The following DUSP16 variants were observed in gnomAD, a reference collection of about 807,000 sequenced individuals.
DUSP16 encodes the protein dual specificity protein phosphatase 16.
In DUSP16, 21 loss-of-function variants were observed where a neutral mutation model predicts 58.3. That is an observed-to-expected ratio of 0.36 (90% confidence interval 0.26 to 0.52). The LOEUF (loss-of-function observed/expected upper bound fraction) is 0.52, where lower values mean the gene tolerates loss of function less well. Ranked by LOEUF, DUSP16 falls within the 20% of genes least tolerant of loss-of-function variation. The pLI is 0.94. For synonymous variants in DUSP16, 320 were observed against 323.8 expected (o/e 0.99, Z 0.12); for missense variants, 726 against 819.0 (o/e 0.89, Z 1.39).
Position 12,477,886 on chromosome 12 carries a change from G to T in DUSP16, c.945C>A (p.His315Gln). 1 of 1,614,150 alleles carries T rather than the reference G, an allele frequency of 6.2e-7. No homozygotes were observed. The highest frequency in any genetic ancestry group is 8.5e-7 in the Non-Finnish European group (1 of 1,180,032). ...GGACAGGTTCATTTGGCTTCTCCAGGTGCAGCAGCTTGAGTTTGCTCTTTG... is the reference window on the plus strand; with the variant it reads ...GGACAGGTTCATTTGGCTTCTCCAGTTGCAGCAGCTTGAGTTTGCTCTTTG... ...SGPKSKLKLL[H>Q]LEKPNEPVPA... is the part of the protein sequence containing the mutation. The change falls in exon 7 of 7, where the codon CAC (histidine) becomes CAA (glutamine). Residue 315 changes from histidine to glutamine, a missense_variant. Physicochemically the swap from His to Gln is conservative, Grantham distance 24 (BLOSUM62 0). Coordinates refer to ENST00000298573, the MANE Select transcript of DUSP16 (RefSeq NM_030640.3). This position sits in a 1 kb window ranked among gnomAD's most constrained non-coding sequence, Gnocchi z 4.1.
At chr12:12,557,612 T>C (rs1236806497) in intron 1 of DUSP16, among the ~76,000 whole-genome samples, 1 of 152,194 alleles carries the variant, frequency 6.6e-6, no homozygotes, top group Non-Finnish European at 1.5e-5. Context: ...TATTAAAAAG[T>C]TATAACATGA....
intron 6 of DUSP16, among the ~76,000 whole-genome samples, chr12:12,479,823 C>G (rs553437210): frequency 1.3e-5 from 2 of 152,258 alleles, no homozygotes; most frequent in African/African-American, 4.8e-5. Context: ...CTTTTTCTTC[C>G]CAGCAATCCA....
intron 6 of DUSP16, among the ~76,000 whole-genome samples, chr12:12,479,690 C>T (rs530937431): frequency 1.0e-3 from 153 of 152,266 alleles, no homozygotes; most frequent in African/African-American, 3.6e-3. Context: ...TCAGACAAAT[C>T]AGAGACTGGA....
intron 3 of DUSP16, 25 bp from the exon 4 acceptor site, chr12:12,500,707 T>TA (rs1421602436): frequency 2.6e-6 from 4 of 1,510,246 alleles, no homozygotes; most frequent in South Asian, 2.7e-5. Flanking sequence ...TATAAAATTA[T>TA]AAAAAATTAT....
At chr12:12,523,172 T>C (rs1944259369) in intron 1 of DUSP16, among the ~76,000 whole-genome samples, 1 of 152,228 alleles carries the variant, frequency 6.6e-6, no homozygotes, top group Admixed American at 6.5e-5. Flanking sequence ...ACAAATCACA[T>C]AACCTCTCTA....
intron 1 of DUSP16, among the ~76,000 whole-genome samples, chr12:12,537,182 C>G (rs1163186014): frequency 6.6e-6 from 1 of 151,852 alleles, no homozygotes; most frequent in Non-Finnish European, 1.5e-5. Flanking sequence ...TAACAGAAAA[C>G]TATATATATT....
rs2136232550 is a variant in DUSP16 at position 12,521,030 on chromosome 12, C to T, written c.69G>A (p.Thr23=). 10 of 1,614,164 alleles carry T rather than the reference C, an allele frequency of 6.2e-6. No homozygotes were observed. Among genetic ancestry groups the T allele is most frequent in the South Asian group, 1.1e-5 (1 of 91,088 alleles). Residue 23 remains threonine (T), a synonymous_variant, in exon 2 of 7, where the codon ACG becomes ACA. Coordinates refer to ENST00000298573, the MANE Select transcript of DUSP16 (RefSeq NM_030640.3). The part of the protein sequence containing the change: ...ERLVALLESG[T]EKVLLIDSRP... ...GGCTATCAATTAGCAGCACTTTTTCCGTTCCACTTTCCAGCAGAGCCACCA... is the reference window on the plus strand; with the variant it reads ...GGCTATCAATTAGCAGCACTTTTTCTGTTCCACTTTCCAGCAGAGCCACCA...
chr12:12,523,062 C>G, intron 1 of DUSP16, among the ~76,000 whole-genome samples: 1 of 152,266 alleles, frequency 6.6e-6, no homozygotes, highest in East Asian at 1.9e-4. Context: ...GATCATGTTT[C>G]CTAATTTTGT....
At chr12:12,549,650 CAT>C (rs1415993274) in intron 1 of DUSP16, among the ~76,000 whole-genome samples, 6 of 152,150 alleles carry the variant, frequency 3.9e-5, no homozygotes, top group East Asian at 1.9e-4. Context: ...TCTCCTCTCA[CAT>C]ATGTTACCAT....
chr12:12,555,488 C>T lies in DUSP16; in HGVS notation c.-366+6629G>A, dbSNP rs145033751. On this transcript the variant is annotated intron_variant, in intron 1 of 6. Coordinates refer to ENST00000298573, the MANE Select transcript of DUSP16 (RefSeq NM_030640.3). The stretch of plus-strand genomic sequence containing the variant: ...ACTGTGTATTTAAAAACTAGTACAA[C>T]GCACACTGTAAGTAGCATATACTTC... Among the ~76,000 whole-genome samples, 256 of 152,266 alleles carry T rather than the reference C, an allele frequency of 1.7e-3. 4 individuals are homozygous for T. Among genetic ancestry groups the T allele is most frequent in the African/African-American group, 5.8e-3 (241 of 41,534 alleles).
chr12:12,500,391 G>A, intron 4 of DUSP16, 128 bp downstream of exon 4: 1 of 1,095,322 alleles, frequency 9.1e-7, no homozygotes, highest in Non-Finnish European at 1.3e-6. Context: ...TGTTACCTGG[G>A]GAGCACACTG....
intron 3 of DUSP16, among the ~76,000 whole-genome samples, chr12:12,500,939 A>G (rs1943899833): frequency 6.6e-6 from 1 of 152,142 alleles, no homozygotes; most frequent in Non-Finnish European, 1.5e-5. Flanking sequence ...TATTCTCTTC[A>G]TCTTCACATA....
intron 1 of DUSP16, among the ~76,000 whole-genome samples, chr12:12,537,073 A>T (rs1014765441): frequency 6.6e-6 from 1 of 152,220 alleles, no homozygotes; most frequent in Non-Finnish European, 1.5e-5. Flanking sequence ...AAAGGCTGAA[A>T]AATAGGTAGA....
chr12:12,499,140 G>C (rs1481391761), intron 4 of DUSP16, among the ~76,000 whole-genome samples: 1 of 152,194 alleles, frequency 6.6e-6, no homozygotes, highest in Non-Finnish European at 1.5e-5. Flanking sequence ...ACAATTACTT[G>C]TGGAATGACC....
At chr12:12,509,630 A>T (rs1944047435) in intron 3 of DUSP16, among the ~76,000 whole-genome samples, 1 of 152,204 alleles carries the variant, frequency 6.6e-6, no homozygotes, top group African/African-American at 2.4e-5. Flanking sequence ...GACCCGTCTT[A>T]CTTCTCCAGC....
intron 1 of DUSP16, among the ~76,000 whole-genome samples, chr12:12,540,790 C>T (rs1046859419): frequency 2.0e-5 from 3 of 152,016 alleles, no homozygotes; most frequent in African/African-American, 4.8e-5. Context: ...TTGGAGGGAG[C>T]GGCGACACCA....
intron 1 of DUSP16, among the ~76,000 whole-genome samples, chr12:12,528,252 C>T (rs1944333644): frequency 6.6e-6 from 1 of 152,156 alleles, no homozygotes; most frequent in African/African-American, 2.4e-5. Flanking sequence ...CTTCACCTAC[C>T]CCTCTACACT....
At chr12:12,535,275 C>A (rs1944448868) in intron 1 of DUSP16, among the ~76,000 whole-genome samples, 1 of 152,114 alleles carries the variant, frequency 6.6e-6, no homozygotes, top group South Asian at 2.1e-4. Flanking sequence ...CCCAAACAAT[C>A]TTAATAGCAA....
chr12:12,556,379 G>A (rs1313006524), intron 1 of DUSP16, among the ~76,000 whole-genome samples: 2 of 151,966 alleles, frequency 1.3e-5, no homozygotes, highest in African/African-American at 4.8e-5. Context: ...GCAACAAAGT[G>A]AGACCCCCAT....
Sources: allele counts gnomAD v4.1 joint callset (sites outside exome capture counted in the v4.1 genomes callset), GRCh38; gene constraint gnomAD v4.1.1; non-coding constraint Gnocchi (gnomAD v3.1); transcripts MANE v1.5; gene names NCBI Gene and HGNC (gene_info 2026-07-23, HGNC 2026-07-21).